The following ESRRG variants were observed in gnomAD, a reference collection of about 807,000 sequenced individuals.
ESRRG encodes the protein estrogen related receptor gamma.
A neutral mutation model predicts 44.0 loss-of-function variants in ESRRG; 13 were observed. The ratio of observed to expected loss-of-function variants is 0.30; its 90% CI spans 0.19 to 0.47. The LOEUF is 0.47. Ranked by LOEUF, ESRRG falls within the 20% of genes least tolerant of loss-of-function variation. ESRRG has a pLI of 1.00. For missense variants in ESRRG, 395 were observed against 580.6 expected (o/e 0.68, Z 3.29); for synonymous variants, 215 against 214.6 (o/e 1.00, Z -0.02).
chr1:216,829,063 C>G (rs1000555911), intron 2 of ESRRG, among the ~76,000 whole-genome samples: 1 of 152,076 alleles, frequency 6.6e-6, no homozygotes, highest in East Asian at 1.9e-4. Context: ...TTCTTTTATT[C>G]CTGTATTTTA....
intron 1 of ESRRG, among the ~76,000 whole-genome samples, chr1:217,036,493 C>T (rs1355884144): frequency 6.6e-6 from 1 of 152,090 alleles, no homozygotes; most frequent in African/African-American, 2.4e-5. Flanking sequence ...ATAAAAAGGT[C>T]CAAGATCATG....
chr1:216,579,178 G>C (rs1380818360), intron 3 of ESRRG, among the ~76,000 whole-genome samples: 1 of 151,988 alleles, frequency 6.6e-6, no homozygotes, highest in Non-Finnish European at 1.5e-5. Flanking sequence ...AATTCTGTTT[G>C]CTTTGATGCA....
intron 1 of ESRRG, among the ~76,000 whole-genome samples, chr1:217,055,271 T>C (rs1002129120): frequency 6.6e-6 from 1 of 152,024 alleles, no homozygotes; most frequent in Admixed American, 6.6e-5. Flanking sequence ...AGCATGAGGT[T>C]CAAGGGGTAG....
chr1:217,009,653 A>C (rs992914119), intron 1 of ESRRG, among the ~76,000 whole-genome samples: 1 of 147,894 alleles, frequency 6.8e-6, no homozygotes, highest in African/African-American at 2.5e-5. Flanking sequence ...CTCTACATCC[A>C]TGTCTCCCAT....
At chr1:216,680,790 A>G (rs2076908678) in intron 1 of ESRRG, among the ~76,000 whole-genome samples, 1 of 152,240 alleles carries the variant, frequency 6.6e-6, no homozygotes, top group South Asian at 2.1e-4. Context: ...CAAGTCTGAA[A>G]TATTCACAAC....
rs575642615 is a variant in ESRRG at position 217,009,708 on chromosome 1, T to C, written c.-105-70035A>G. 2.4e-4 allele frequency among the ~76,000 whole-genome samples: 34 copies of C among 143,096 alleles called. No individual in the cohort carries two copies. The South Asian group carries it at 2.7e-3, about 12-fold the overall frequency. 93.9% of individuals were successfully genotyped at this position (143,096 alleles called of 152,430 possible). A position where few individuals can be genotyped will look rare whatever the true frequency, so the allele number is the denominator to read the frequency against. Reference sequence around the variant, plus strand: ...TAGTTTCCTTTTTCTTTTTCTTTTTTTTTTTTTTTTTTTTTGAGATGGAGT... The same window carrying C: ...TAGTTTCCTTTTTCTTTTTCTTTTTCTTTTTTTTTTTTTTTGAGATGGAGT... On this transcript the variant is annotated intron_variant, in intron 1 of 7. Transcript: ENST00000359162.
At chr1:216,604,062 T>C (rs1184402531) in intron 3 of ESRRG, among the ~76,000 whole-genome samples, 1 of 151,480 alleles carries the variant, frequency 6.6e-6, no homozygotes, top group Non-Finnish European at 1.5e-5. Flanking sequence ...AGAGTGTACA[T>C]AAAATTAGGA....
chr1:216,675,908 C>T (rs980938705), intron 2 of ESRRG, among the ~76,000 whole-genome samples: 1 of 152,110 alleles, frequency 6.6e-6, no homozygotes, highest in Non-Finnish European at 1.5e-5. Flanking sequence ...TACCCAAGAC[C>T]AATTAATTCA....
intron 1 of ESRRG, among the ~76,000 whole-genome samples, chr1:217,125,425 C>A (rs2102514787): frequency 6.6e-6 from 1 of 152,296 alleles, no homozygotes; most frequent in South Asian, 2.1e-4. Context: ...TCCATTGTTT[C>A]ACAAATGTAT....
At chr1:216,513,816 A>G (rs1488407670) in intron 6 of ESRRG, among the ~76,000 whole-genome samples, 2 of 152,100 alleles carry the variant, frequency 1.3e-5, no homozygotes, top group African/African-American at 2.4e-5. Context: ...TCATTTTGCT[A>G]CAAGTCATAA....
chr1:216,663,731 A>G (rs538735637), intron 2 of ESRRG, among the ~76,000 whole-genome samples: 1 of 152,200 alleles, frequency 6.6e-6, no homozygotes, highest in Non-Finnish European at 1.5e-5. Context: ...CACAAAGTTT[A>G]TGCAAATGGA....
chr1:216,903,612 C>T (rs1250507652), intron 2 of ESRRG, among the ~76,000 whole-genome samples: 4 of 151,796 alleles, frequency 2.6e-5, no homozygotes, highest in African/African-American at 9.7e-5. Context: ...CTGGTCCCTG[C>T]TGGCCTATAT....
At chr1:217,074,278 A>G (rs2151471027) in intron 1 of ESRRG, among the ~76,000 whole-genome samples, 1 of 151,846 alleles carries the variant, frequency 6.6e-6, no homozygotes, top group South Asian at 2.1e-4. Context: ...CAAACTCCTG[A>G]CCTCAGATGA....
At chr1:217,027,905 A>G (rs2081466331) in intron 1 of ESRRG, among the ~76,000 whole-genome samples, 1 of 152,222 alleles carries the variant, frequency 6.6e-6, no homozygotes, top group Non-Finnish European at 1.5e-5. Context: ...CATTGCCTCA[A>G]TGCAGCCTGT....
At chr1:216,569,491 G>T (rs566145856) in intron 3 of ESRRG, among the ~76,000 whole-genome samples, 4 of 152,174 alleles carry the variant, frequency 2.6e-5, no homozygotes, top group African/African-American at 7.2e-5. Flanking sequence ...TAAGGAAAAA[G>T]CCAAGGGAAT....
In ESRRG at chr1:217,121,072, G is replaced by A. The variant is rs1005624598; in HGVS notation, c.-230+16595C>T. On this transcript the variant is annotated intron_variant, in intron 1 of 8. Coordinates refer to the ESRRG transcript ENST00000366940. ...GATGGACTTTGCCTGGGGGAAGGGA[G>A]GGATAATGTTACAGCAGAGGTGTCA... Among the ~76,000 whole-genome samples, 3 of 152,168 alleles carry A rather than the reference G, an allele frequency of 2.0e-5. No individual in the cohort carries two copies. The South Asian group carries it at 6.2e-4, about 32-fold the overall frequency.
chr1:216,782,745 C>A (rs958832666), intron 2 of ESRRG, among the ~76,000 whole-genome samples: 8 of 152,008 alleles, frequency 5.3e-5, no homozygotes, highest in African/African-American at 1.4e-4. Context: ...GAGTTTGAGA[C>A]CTCCTTTTGA....
intron 2 of ESRRG, among the ~76,000 whole-genome samples, chr1:216,811,854 G>T (rs1206618288): frequency 6.6e-6 from 1 of 152,182 alleles, no homozygotes; most frequent in Non-Finnish European, 1.5e-5. Context: ...GGCTAAAGAT[G>T]CATTCAAATA....
chr1:216,519,435 TG>T lies in ESRRG; in HGVS notation c.863-15del. On this transcript the variant is annotated splice_polypyrimidine_tract_variant and intron_variant, in intron 5 of 6. Coordinates refer to ENST00000408911, the MANE Select transcript of ESRRG (RefSeq NM_001438.4). ...GCGTGGAGAAGCCTGCATGGAAAGA[TG>T]GGCAGATCAAGTTACTTTAAAGCCA... 6.3e-7 allele frequency: 1 copy of T among 1,592,256 alleles called. No individual in the cohort carries two copies. The highest frequency in any genetic ancestry group is 8.5e-7 in the Non-Finnish European group (1 of 1,176,084).
Sources: allele counts gnomAD v4.1 joint callset (sites outside exome capture counted in the v4.1 genomes callset), GRCh38; gene constraint gnomAD v4.1.1; transcripts MANE v1.5; gene names NCBI Gene and HGNC (gene_info 2026-07-23, HGNC 2026-07-21).